The following GNAI2 variants were observed in gnomAD, a reference collection of about 807,000 sequenced individuals.
The protein encoded by GNAI2 is guanine nucleotide-binding protein G(i) subunit alpha-2.
In GNAI2, 4 loss-of-function variants were observed where a neutral mutation model predicts 36.8. The observed-to-expected ratio is 0.11, with a 90% CI of 0.05 to 0.25. The LOEUF (loss-of-function observed/expected upper bound fraction) is 0.25, where lower values mean the gene tolerates loss of function less well. Among genes scored for constraint, GNAI2 ranks in the 10% least tolerant of loss-of-function variants. GNAI2 has a pLI of 1.00. For synonymous variants in GNAI2, 194 were observed against 194.1 expected (o/e 1.00, Z 0.01); for missense variants, 230 against 481.3 (o/e 0.48, Z 4.89).
upstream of GNAI2, among the ~76,000 whole-genome samples, chr3:50,228,620 A>C (rs969404319): frequency 2.0e-5 from 3 of 151,206 alleles, no homozygotes; most frequent in African/African-American, 7.3e-5. Flanking sequence ...TTTCCTTCAT[A>C]CTTGGAATGC....
At chr3:50,243,665 G>A (rs1553701400) in intron 1 of GNAI2, among the ~76,000 whole-genome samples, 1 of 152,236 alleles carries the variant, frequency 6.6e-6, no homozygotes, top group African/African-American at 2.4e-5. Context: ...TTAATCCTGT[G>A]AGGCTGGGAC....
rs1700714721 is a variant in GNAI2 at position 50,256,859 on chromosome 3, GGAT to G, written c.723+10_723+12del. ...AGCTGAGGACGAGGAGATGGTGAGA[GGAT>G]GAGAGAATGCTGCGGGTGGGGGCAG... On this transcript the variant is annotated splice_region_variant and intron_variant, in intron 6 of 8. Transcript: ENST00000313601. 1 of 1,613,992 alleles carries G rather than the reference GGAT, an allele frequency of 6.2e-7. No homozygotes were observed. Among genetic ancestry groups the G allele is most frequent in the African/African-American group, 1.3e-5 (1 of 74,922 alleles).
At position 50,258,981 on chromosome 3, in the gene GNAI2, C is replaced by G. The variant is rs587617733; in HGVS notation, c.*638C>G. On this transcript the variant is annotated 3_prime_UTR_variant, in exon 9 of 9. Transcript: ENST00000313601. ...CAGATCCTGACCAGCAAGCCCCCCC[C>G]CAGCCCCCCTTCCAAGTGACTCCGT... 4.0e-5 allele frequency: 18 copies of G among 447,378 alleles called. No homozygotes were observed. The East Asian group carries it at 8.4e-4, about 21-fold the overall frequency. The allele number at this position is 447,378 out of a possible 1,614,324, so 27.7% of individuals were successfully genotyped here.
At chr3:50,240,254 G>A (rs587760038) in intron 1 of GNAI2, among the ~76,000 whole-genome samples, 27 of 152,274 alleles carry the variant, frequency 1.8e-4, no homozygotes, top group Non-Finnish European at 3.1e-4. Flanking sequence ...GTGAAGGGGG[G>A]CTTCCTGGAG....
In GNAI2 at chr3:50,256,181, C is replaced by A; in HGVS notation, c.465-11C>A. 1 of 1,484,886 alleles carries A rather than the reference C, an allele frequency of 6.7e-7. No homozygotes were observed. The highest frequency in any genetic ancestry group is 9.3e-7 in the Non-Finnish European group (1 of 1,072,720). 92.0% of individuals were successfully genotyped at this position (1,484,886 alleles called of 1,614,324 possible). ...CTGGCCCCCACTGACCCTCCCACCC[C>A]CCATCCCCAGCTACCTGAACGACCT... is the stretch of plus-strand genomic sequence containing the variant. On this transcript the variant is annotated splice_polypyrimidine_tract_variant and intron_variant, in intron 4 of 8. Coordinates refer to ENST00000313601, the MANE Select transcript of GNAI2 (RefSeq NM_002070.4).
At chr3:50,257,113 G>T in intron 7 of GNAI2, 23 bp downstream of exon 7, 1 of 1,606,214 alleles carries the variant, frequency 6.2e-7, no homozygotes. Flanking sequence ...TGGGGATAGG[G>T]CCTCCAGAGG....
rs371157906 is a variant in GNAI2, at chr3:50,236,504, G to C, written c.118+51G>C. On this transcript the variant is annotated intron_variant, in intron 1 of 8. Coordinates refer to ENST00000313601, the MANE Select transcript of GNAI2 (RefSeq NM_002070.4). The surrounding 1 kb of genome is among the most constrained non-coding windows in gnomAD (Gnocchi z 4.0). Reference sequence around the variant, plus strand: ...CCTTGATTCCCAGCTCGAATCCCCAGACAAGGACTTTGACCTCCCAGACTA... The same window carrying C: ...CCTTGATTCCCAGCTCGAATCCCCACACAAGGACTTTGACCTCCCAGACTA... 1.3e-6 allele frequency: 2 copies of C among 1,552,696 alleles called. No individual in the cohort carries two copies. The highest frequency in any genetic ancestry group is 1.8e-4 in the Middle Eastern group (1 of 5,684).
Position 50,257,681 on chromosome 3 carries a change from C to A in GNAI2, c.1059C>A (p.Gly353=). ...TCAAGAACAACCTGAAGGACTGCGGCCTCTTCTGAGGGGCAGCGGGGCCTG... is the reference window on the plus strand; with the variant it reads ...TCAAGAACAACCTGAAGGACTGCGGACTCTTCTGAGGGGCAGCGGGGCCTG... The part of the protein sequence containing the change: ...VIIKNNLKDC[G]LF The change falls in exon 8 of 9, where the codon GGC becomes GGA. Residue 353 remains glycine (G), a synonymous_variant. Coordinates refer to ENST00000313601, the MANE Select transcript of GNAI2 (RefSeq NM_002070.4). 6.4e-7 allele frequency: 1 copy of A among 1,572,448 alleles called. No homozygotes were observed. Among genetic ancestry groups the A allele is most frequent in the Non-Finnish European group, 8.7e-7 (1 of 1,155,670 alleles).
At chr3:50,239,471 C>T (rs1184437460) in intron 1 of GNAI2, 2 of 152,252 alleles carry the variant, frequency 1.3e-5, no homozygotes, top group Non-Finnish European at 2.9e-5. Flanking sequence ...AGGGCTAAGT[C>T]CTCTTCATTT....
Position 50,236,960 on chromosome 3 carries a change from C to T in GNAI2, c.118+507C>T, listed in dbSNP as rs756871373. ...CCATCCCTAGTCTGGAATCTGTATC[C>T]TCCACCTGTGCACTCTGACCCAAGG... On this transcript the variant is annotated intron_variant, in intron 1 of 8. Coordinates refer to ENST00000313601, the MANE Select transcript of GNAI2 (RefSeq NM_002070.4). This position sits in a 1 kb window ranked among gnomAD's most constrained non-coding sequence, Gnocchi z 4.0. 2.6e-5 allele frequency among the ~76,000 whole-genome samples: 4 copies of T among 152,192 alleles called. No individual in the cohort carries two copies. Among genetic ancestry groups the T allele is most frequent in the Non-Finnish European group, 5.9e-5 (4 of 68,040 alleles).
upstream of GNAI2, chr3:50,227,292 A>T (rs1461490769): frequency 1.7e-6 from 1 of 571,490 alleles, no homozygotes; most frequent in African/African-American, 1.9e-5. The surrounding 1 kb of genome is among the most constrained non-coding windows in gnomAD (Gnocchi z 5.9). Context: ...TTGCAAGAGG[A>T]CGCGTGACGG....
chr3:50,257,646 G>T lies in GNAI2; in HGVS notation c.1024G>T (p.Asp342Tyr), dbSNP rs782009589. 1.2e-6 allele frequency: 2 copies of T among 1,603,358 alleles called. No homozygotes were observed. The highest frequency in any genetic ancestry group is 1.7e-6 in the Non-Finnish European group (2 of 1,173,914). Residue 342 changes from aspartate to tyrosine, a missense_variant, in exon 8 of 9, where the codon GAT (aspartate) becomes TAT (tyrosine). Transcript: ENST00000313601. ...GCAGTTCGTGTTTGACGCCGTCACC[G>T]ATGTCATCATCAAGAACAACCTGAA... Reference protein sequence around the residue: ...NVQFVFDAVTDVIIKNNLKDC... With the variant: ...NVQFVFDAVTYVIIKNNLKDC...
At position 50,236,495 on chromosome 3, in the gene GNAI2, G is replaced by T. The variant is rs1553700415; in HGVS notation, c.118+42G>T. The T allele has an allele frequency of 1.9e-6, 3 of 1,556,724 alleles. No individual in the cohort carries two copies. Among genetic ancestry groups the T allele is most frequent in the South Asian group, 2.4e-5 (2 of 83,608 alleles). ...CACTGGGATCCTTGATTCCCAGCTC[G>T]AATCCCCAGACAAGGACTTTGACCT... On this transcript the variant is annotated intron_variant, in intron 1 of 8. Transcript: ENST00000313601. The surrounding 1 kb of genome is among the most constrained non-coding windows in gnomAD (Gnocchi z 4.0).
At position 50,258,920 on chromosome 3, in the gene GNAI2, T is replaced by C; in HGVS notation, c.*577T>C. On this transcript the variant is annotated 3_prime_UTR_variant, in exon 9 of 9. Transcript: ENST00000313601. ...AAGGAAAAAAAAAAAACTGCAAATCTAGAAAACTTTTTAGAGAAAAACTAT... is the reference window on the plus strand; with the variant it reads ...AAGGAAAAAAAAAAAACTGCAAATCCAGAAAACTTTTTAGAGAAAAACTAT... 1 of 440,516 alleles carries C rather than the reference T, an allele frequency of 2.3e-6. No individual in the cohort carries two copies. 27.3% of individuals were successfully genotyped at this position (440,516 alleles called of 1,614,324 possible).
intron 7 of GNAI2, 28 bp downstream of exon 7, chr3:50,257,118 C>T (rs374608239): frequency 1.3e-5 from 21 of 1,603,552 alleles, no homozygotes; most frequent in Non-Finnish European, 1.6e-5. Flanking sequence ...ATAGGGCCTC[C>T]AGAGGGTTGC....
upstream of GNAI2, chr3:50,236,080 C>A: frequency 1.6e-6 from 1 of 626,470 alleles, no homozygotes; most frequent in Non-Finnish European, 2.1e-6. This position sits in a 1 kb window ranked among gnomAD's most constrained non-coding sequence, Gnocchi z 4.0. Context: ...CAATCAACAG[C>A]CTCTAATCTC....
intron 1 of GNAI2, chr3:50,251,248 G>T (rs782013859): frequency 3.2e-5 from 16 of 505,062 alleles, no homozygotes; most frequent in Non-Finnish European, 3.6e-5. Flanking sequence ...CATGATCTTA[G>T]ATCAATACTT....
At position 50,241,360 on chromosome 3, in the gene GNAI2, G is replaced by C. The variant is rs1343580901; in HGVS notation, c.118+4907G>C. Among the ~76,000 whole-genome samples, 1 of 152,204 alleles carries C rather than the reference G, an allele frequency of 6.6e-6. No homozygotes were observed. The highest frequency in any genetic ancestry group is 6.5e-5 in the Admixed American group (1 of 15,284). On this transcript the variant is annotated intron_variant, in intron 1 of 8. Transcript: ENST00000313601. This position sits in a 1 kb window ranked among gnomAD's most constrained non-coding sequence, Gnocchi z 5.0. ...AGGCTTGTCGGGGCTTTGTCTGCAGGAGCAGGCAGGGATAGAGCTCCCACA... is the reference window on the plus strand; with the variant it reads ...AGGCTTGTCGGGGCTTTGTCTGCAGCAGCAGGCAGGGATAGAGCTCCCACA...
Position 50,241,739 on chromosome 3 carries a change from G to A in GNAI2, c.118+5286G>A, listed in dbSNP as rs1367711933. 6.6e-6 allele frequency among the ~76,000 whole-genome samples: 1 copy of A among 152,198 alleles called. No individual in the cohort carries two copies. The highest frequency in any genetic ancestry group is 2.4e-5 in the African/African-American group (1 of 41,444). On this transcript the variant is annotated intron_variant, in intron 1 of 8. Transcript: ENST00000313601. This position sits in a 1 kb window ranked among gnomAD's most constrained non-coding sequence, Gnocchi z 5.0. ...AGGCTTCCATGTCAGAAGCCCTGAGGCAGCATCACACCACCCACTATGTGT... is the reference window on the plus strand; with the variant it reads ...AGGCTTCCATGTCAGAAGCCCTGAGACAGCATCACACCACCCACTATGTGT...
Sources: allele counts gnomAD v4.1 joint callset (sites outside exome capture counted in the v4.1 genomes callset), GRCh38; gene constraint gnomAD v4.1.1; non-coding constraint Gnocchi (gnomAD v3.1); transcripts MANE v1.5; gene names NCBI Gene and HGNC (gene_info 2026-07-23, HGNC 2026-07-21).